Variants in TARDBP observed in about 807,000 individuals in gnomAD.
TARDBP encodes TAR DNA-binding protein 43.
Under a neutral mutation model 38.3 loss-of-function variants are expected in TARDBP, and 4 were observed. The ratio of observed to expected loss-of-function variants is 0.10; its 90% confidence interval spans 0.05 to 0.24. TARDBP has a LOEUF of 0.24. Among genes scored for constraint, TARDBP ranks in the 10% least tolerant of loss-of-function variants. The pLI, the probability that TARDBP is intolerant of heterozygous loss-of-function variation, is 1.00. For synonymous variants in TARDBP, 184 were observed against 183.8 expected, an observed-to-expected ratio of 1.00 and a Z score of -0.01; for missense variants, 202 against 521.9, an observed-to-expected ratio of 0.39 and a Z score of 5.97.
At chr1:11,016,158 C>T (rs554425215) in intron 2 of TARDBP, 1 of 152,274 alleles carries the variant, frequency 6.6e-6, no homozygotes, top group Non-Finnish European at 1.5e-5. Context: ...CCAGGCTGGT[C>T]TTGAACTCCT....
At chr1:11,027,035 C>G, downstream of TARDBP, 4 of 1,596,268 alleles carry the variant, frequency 2.5e-6, no homozygotes, top group Non-Finnish European at 3.4e-6. Context: ...CTAGAAACAC[C>G]AGTGCCCCTC....
Position 11,022,912 on chromosome 1 carries a change from A to G in TARDBP, c.*258A>G, listed in dbSNP as rs1643669028. On this transcript the variant is annotated 3_prime_UTR_variant, in exon 6 of 6. Transcript: ENST00000240185. The surrounding 1 kb of genome is among the most constrained non-coding windows in gnomAD (Gnocchi z 4.5). ...CTGCTGTTTGCCTGATTGGTAAACC[A>G]ACACACTACAATTGATATCAAAAGG... The G allele has an allele frequency of 7.3e-7, 1 of 1,366,198 alleles. No individual in the cohort carries two copies. Among genetic ancestry groups the G allele is most frequent in the South Asian group, 2.0e-5 (1 of 50,768 alleles). 84.6% of individuals were successfully genotyped at this position (1,366,198 alleles called of 1,614,324 possible).
intron 2 of TARDBP, among the ~76,000 whole-genome samples, chr1:11,014,654 T>G (rs929048241): frequency 1.3e-5 from 2 of 152,160 alleles, no homozygotes; most frequent in Non-Finnish European, 2.9e-5. Context: ...AGGAAAACTT[T>G]AGGGCTAGGC....
At chr1:11,026,907 T>C (rs568261585), downstream of TARDBP, 36 of 1,486,144 alleles carry the variant, frequency 2.4e-5, 1 homozygote, top group Middle Eastern at 3.6e-4. Context: ...AATTATGTTC[T>C]CGATCCAGGG....
chr1:11,014,578 A>C (rs1643477971), intron 2 of TARDBP, among the ~76,000 whole-genome samples: 1 of 152,232 alleles, frequency 6.6e-6, no homozygotes, highest in African/African-American at 2.4e-5. Context: ...TCCTTTTATT[A>C]TAACTTGGTA....
intron 5 of TARDBP, among the ~76,000 whole-genome samples, chr1:11,021,564 C>G (rs1223909873): frequency 6.6e-6 from 1 of 152,172 alleles, no homozygotes; most frequent in Non-Finnish European, 1.5e-5. Flanking sequence ...AGGCGTGAGC[C>G]ACTGCTCCTG....
rs992728620 is a variant in TARDBP, at chr1:11,016,729, T to C, written c.239-115T>C. 9.2e-6 allele frequency: 10 copies of C among 1,090,080 alleles called. No homozygotes were observed. The East Asian group carries it at 2.2e-4, about 24-fold the overall frequency. 67.5% of individuals were successfully genotyped at this position (1,090,080 alleles called of 1,614,324 possible). On this transcript the variant is annotated intron_variant, in intron 2 of 5. Transcript: ENST00000240185. Reference sequence around the variant, plus strand: ...ACATCACTTCTTGCCAAGTTTTCAGTGTCTTATTCTTCTTAGAGTCTTCTT... The same window carrying C: ...ACATCACTTCTTGCCAAGTTTTCAGCGTCTTATTCTTCTTAGAGTCTTCTT...
At chr1:11,026,843 G>C (rs781055964), downstream of TARDBP, 2 of 1,446,318 alleles carry the variant, frequency 1.4e-6, no homozygotes, top group South Asian at 3.3e-5. Flanking sequence ...GTCTTCACAG[G>C]CATTTCTAAA....
chr1:11,027,150 G>A (rs142154589), downstream of TARDBP: 227 of 1,613,940 alleles, frequency 1.4e-4, 1 homozygote, highest in African/African-American at 2.7e-3. Flanking sequence ...ATATGCAGCA[G>A]TACATTTTTG....
chr1:11,018,665 A>C lies in TARDBP; in HGVS notation c.403-68A>C. 3 of 1,608,836 alleles carry C rather than the reference A, an allele frequency of 1.9e-6. 1 individual carries two copies. In the South Asian group the frequency reaches 3.3e-5, roughly 18 times the overall value. On this transcript the variant is annotated intron_variant, in intron 3 of 5. Transcript: ENST00000240185. ...AACCATTCAAATTGTTTTCTAAGGA[A>C]CTATGATTTGGGAATGGAGTGTGTG...
rs1470505811 is a variant in TARDBP at position 11,025,336 on chromosome 1, A to C, written c.*2682A>C. The stretch of plus-strand genomic sequence containing the variant: ...AACATGTTTATGGTACTGCATAGAT[A>C]CGGGTATTTATTTTACCCTAAGAAG... On this transcript the variant is annotated 3_prime_UTR_variant, in exon 6 of 6. Coordinates refer to ENST00000240185, the MANE Select transcript of TARDBP (RefSeq NM_007375.4). The C allele has an allele frequency of 6.6e-6, 1 of 152,352 alleles. No individual in the cohort carries two copies. 9.4% of individuals were successfully genotyped at this position (152,352 alleles called of 1,614,324 possible).
rs1348848302 is a variant in TARDBP, at chr1:11,020,408, TCTTC to T, written c.544-17_544-14del. ...TTCATAACATATTTCTGAGTTTTTTTCTTCCTTTTGATTTGATCAGCAAAGCCAA... is the reference window on the plus strand; with the variant it reads ...TTCATAACATATTTCTGAGTTTTTTTCTTTTGATTTGATCAGCAAAGCCAA... On this transcript the variant is annotated splice_polypyrimidine_tract_variant and intron_variant, in intron 4 of 5. Transcript: ENST00000240185. The T allele has an allele frequency of 4.3e-6, 7 of 1,614,118 alleles. No individual in the cohort carries two copies. The highest frequency in any genetic ancestry group is 5.9e-6 in the Non-Finnish European group (7 of 1,179,992).
In TARDBP at chr1:11,020,554, C is replaced by G. The variant is rs149517613; in HGVS notation, c.669C>G (p.Pro223=). The change falls in exon 5 of 6, where the codon CCC becomes CCG. Residue 223 remains proline (P), a synonymous_variant. Coordinates refer to ENST00000240185, the MANE Select transcript of TARDBP (RefSeq NM_007375.4). ...GGGATGTGATGGATGTCTTCATCCC[C>G]AAGCCATTCAGGGCCTTTGCCTTTG... ...QYGDVMDVFI[P]KPFRAFAFVT... The G allele has an allele frequency of 8.9e-5, 144 of 1,613,842 alleles. No homozygotes were observed. The highest frequency in any genetic ancestry group is 1.2e-4 in the Non-Finnish European group (137 of 1,179,856).
At position 11,022,492 on chromosome 1, in the gene TARDBP, G is replaced by A. The variant is rs80356735; in HGVS notation, c.1083G>A (p.Arg361=). The A allele has an allele frequency of 6.2e-7, 1 of 1,604,836 alleles. No individual in the cohort carries two copies. The highest frequency in any genetic ancestry group is 1.3e-5 in the African/African-American group (1 of 74,668). Reference sequence around the variant, plus strand: ...ACCAAAACCAAGGCAACATGCAGAGGGAGCCAAACCAGGCCTTCGGTTCTG... The same window carrying A: ...ACCAAAACCAAGGCAACATGCAGAGAGAGCCAAACCAGGCCTTCGGTTCTG... ...GNNQNQGNMQ[R]EPNQAFGSGN... Residue 361 remains arginine (R), a synonymous_variant, in exon 6 of 6, where the codon AGG becomes AGA. Coordinates refer to ENST00000240185, the MANE Select transcript of TARDBP (RefSeq NM_007375.4). This position sits in a 1 kb window ranked among gnomAD's most constrained non-coding sequence, Gnocchi z 4.5.
chr1:11,016,884 A>T lies in TARDBP; in HGVS notation c.279A>T (p.Ala93=), dbSNP rs1446640678. 6.2e-7 allele frequency: 1 copy of T among 1,614,118 alleles called. No individual in the cohort carries two copies. Among genetic ancestry groups the T allele is most frequent in the Non-Finnish European group, 8.5e-7 (1 of 1,180,054 alleles). ...TGGATGAGACAGATGCTTCATCAGC[A>T]GTGAAAGTGAAAAGAGCAGTCCAGA... ...RKMDETDASS[A]VKVKRAVQKT... Residue 93 remains alanine (A), a synonymous_variant, in exon 3 of 6, where the codon GCA becomes GCT. Transcript: ENST00000240185.
At chr1:11,030,219 C>G (rs763806083), downstream of TARDBP, 45 of 1,613,728 alleles carry the variant, frequency 2.8e-5, no homozygotes, top group Middle Eastern at 3.3e-4. Context: ...TGGAGCTCGT[C>G]CAGAATCCAT....
chr1:11,019,723 C>T (rs543645819), intron 4 of TARDBP, among the ~76,000 whole-genome samples: 22 of 152,116 alleles, frequency 1.4e-4, no homozygotes, highest in African/African-American at 3.6e-4. Flanking sequence ...CCCACCAACA[C>T]GCCTGGCTAA....
intron 3 of TARDBP, 23 bp downstream of exon 3, chr1:11,017,030 A>G (rs2100845100): frequency 6.2e-7 from 1 of 1,613,202 alleles, no homozygotes; most frequent in Non-Finnish European, 8.5e-7. Context: ...TGCATCAAAC[A>G]GTTTTTCTTT....
downstream of TARDBP, chr1:11,030,038 A>G (rs1643815921): frequency 3.3e-6 from 2 of 615,264 alleles, no homozygotes; most frequent in South Asian, 2.0e-5. Context: ...AGAACATACT[A>G]TTTGGAAATA....
Sources: gnomAD v4.1 joint callset for allele counts (sites outside exome capture counted in the v4.1 genomes callset) on GRCh38, gnomAD v4.1.1 for gene constraint, Gnocchi (gnomAD v3.1) non-coding constraint, MANE v1.5 for transcripts, NCBI Gene and HGNC (gene_info 2026-07-23, HGNC 2026-07-21) for gene names.